Variants in IQANK1 observed in about 807,000 individuals in gnomAD.
IQANK1 encodes IQ motif and ankyrin repeat domain-containing protein 1.
IQANK1 carries 30 observed loss-of-function variants against 22.6 expected under a neutral mutation model. The ratio of observed to expected loss-of-function variants is 1.33; its 90% CI spans 0.99 to 1.80. The LOEUF is 1.80. Among genes scored for constraint, IQANK1 ranks in the 40% most tolerant of loss-of-function variants. IQANK1 has a pLI of 0.00. For missense variants in IQANK1, 275 were observed against 235.2 expected, an observed-to-expected ratio of 1.17 and a Z score of -1.11; for synonymous variants, 122 against 99.6, an observed-to-expected ratio of 1.23 and a Z score of -1.34.
intron 3 of IQANK1, chr8:143,741,714 G>A (rs1421926503): frequency 6.5e-6 from 1 of 152,784 alleles, no homozygotes; most frequent in Non-Finnish European, 1.5e-5. Flanking sequence ...GCCTTCGGAG[G>A]AGTCCATGCC....
intron 3 of IQANK1, among the ~76,000 whole-genome samples, chr8:143,763,953 G>A (rs1414718506): frequency 6.6e-6 from 1 of 152,082 alleles, no homozygotes; most frequent in Non-Finnish European, 1.5e-5. Context: ...TACGAGATAT[G>A]ATAATTCATT....
intron 3 of IQANK1, among the ~76,000 whole-genome samples, chr8:143,753,686 C>T (rs1340253483): frequency 1.3e-5 from 2 of 152,036 alleles, no homozygotes; most frequent in Non-Finnish European, 2.9e-5. Flanking sequence ...AACTCCTGAC[C>T]TCAGGTGACC....
chr8:143,788,651 A>G (rs997454174), intron 7 of IQANK1, among the ~76,000 whole-genome samples: 2 of 152,174 alleles, frequency 1.3e-5, no homozygotes, highest in East Asian at 3.9e-4. Context: ...AAGCCCTTGG[A>G]GGCCCAGCCA....
chr8:143,736,288 C>T (rs1310428490), intron 2 of IQANK1, among the ~76,000 whole-genome samples: 2 of 152,050 alleles, frequency 1.3e-5, no homozygotes, highest in African/African-American at 4.8e-5. Context: ...TATGGACGTG[C>T]GCCACCACGC....
chr8:143,785,796 A>G (rs1409164234), intron 7 of IQANK1, among the ~76,000 whole-genome samples: 1 of 150,192 alleles, frequency 6.7e-6, no homozygotes, highest in African/African-American at 2.5e-5. Context: ...GCACGATCTC[A>G]GCTCACTGCA....
chr8:143,785,790 G>A (rs1303727132), intron 7 of IQANK1, among the ~76,000 whole-genome samples: 2 of 150,336 alleles, frequency 1.3e-5, no homozygotes, highest in South Asian at 4.2e-4. Context: ...GCAGTGGCAC[G>A]ATCTCAGCTC....
At position 143,738,681 on chromosome 8, in the gene IQANK1, C is replaced by T. The variant is rs532487023; in HGVS notation, c.86-1178C>T. Among the ~76,000 whole-genome samples, 202 of 152,316 alleles carry T rather than the reference C, an allele frequency of 1.3e-3. 1 individual carries two copies. The highest frequency in any genetic ancestry group is 3.1e-3 in the African/African-American group (130 of 41,568). ...CGGGCGTGCCTGGTCCTGCCCTGGG[C>T]GGCACCAATGCCCCCCGCCCCCGCC... On this transcript the variant is annotated intron_variant, in intron 2 of 13. Transcript: ENST00000527139.
intron 3 of IQANK1, among the ~76,000 whole-genome samples, chr8:143,751,656 G>GTATATATATATATATA (rs1430170946): frequency 1.3e-4 from 5 of 39,656 alleles, no homozygotes; most frequent in Non-Finnish European, 2.9e-4. Context: ...GTGTGTGTGT[G>GTATATATATATATATA]TGTGTGTGTA....
At chr8:143,738,572 C>T (rs552397315) in intron 2 of IQANK1, among the ~76,000 whole-genome samples, 3 of 152,294 alleles carry the variant, frequency 2.0e-5, no homozygotes, top group South Asian at 2.1e-4. Context: ...TTACAGGCCA[C>T]GGGCCCTGCC....
At chr8:143,767,311 G>A (rs548544472) in intron 3 of IQANK1, among the ~76,000 whole-genome samples, 2 of 152,214 alleles carry the variant, frequency 1.3e-5, no homozygotes, top group African/African-American at 4.8e-5. Context: ...TTTGTTTTCT[G>A]TTTTGTCTTA....
At position 143,774,590 on chromosome 8, in the gene IQANK1, G is replaced by A. The variant is rs1198038879; in HGVS notation, c.789+2108G>A. Among the ~76,000 whole-genome samples the A allele has an allele frequency of 6.6e-6, 1 of 152,158 alleles. No homozygotes were observed. Among genetic ancestry groups the A allele is most frequent in the Non-Finnish European group, 1.5e-5 (1 of 68,036 alleles). ...ACCAGTACAGCCGCTCTTGCAAATA[G>A]GCAGGCGGTTTCTTAAAAAGTGAAC... On this transcript the variant is annotated intron_variant, in intron 7 of 13. Coordinates refer to ENST00000527139, the MANE Select transcript of IQANK1 (RefSeq NM_001381874.1). This position sits in a 1 kb window ranked among gnomAD's most constrained non-coding sequence, Gnocchi z 4.2.
chr8:143,767,643 C>G (rs1186280707), intron 3 of IQANK1, among the ~76,000 whole-genome samples: 1 of 151,920 alleles, frequency 6.6e-6, no homozygotes, highest in East Asian at 2.0e-4. Context: ...TGCCATATTG[C>G]ATTTATTTGC....
In IQANK1 at chr8:143,735,375, T is replaced by C. The variant is rs556013912; in HGVS notation, c.-4-475T>C. On this transcript the variant is annotated intron_variant, in intron 1 of 13. Coordinates refer to ENST00000527139, the MANE Select transcript of IQANK1 (RefSeq NM_001381874.1). This position sits in a 1 kb window ranked among gnomAD's most constrained non-coding sequence, Gnocchi z 5.2. ...GCCGGGACCACATAAGGTCTGAGGG[T>C]GTGGAGGGGTGAGTGCCTTGGGTGG... 6.8e-4 allele frequency among the ~76,000 whole-genome samples: 103 copies of C among 150,900 alleles called. No individual in the cohort carries two copies. The highest frequency in any genetic ancestry group is 2.4e-3 in the African/African-American group (97 of 41,022).
At chr8:143,769,412 G>T (rs1161984133) in intron 3 of IQANK1, among the ~76,000 whole-genome samples, 1 of 152,078 alleles carries the variant, frequency 6.6e-6, no homozygotes, top group Non-Finnish European at 1.5e-5. Context: ...GTCCAGGCTG[G>T]CCTCAAACTC....
chr8:143,744,579 G>C (rs1294307967), intron 3 of IQANK1: 1 of 152,122 alleles, frequency 6.6e-6, no homozygotes, highest in Non-Finnish European at 1.5e-5. Flanking sequence ...CATCACCCAC[G>C]GTCATTATTA....
At chr8:143,770,101 C>G (rs568711868) in intron 3 of IQANK1, among the ~76,000 whole-genome samples, 1 of 152,074 alleles carries the variant, frequency 6.6e-6, no homozygotes, top group Non-Finnish European at 1.5e-5. Flanking sequence ...GACCCTGTCT[C>G]AAAAAGAAAA....
In IQANK1 at chr8:143,751,664, G is replaced by GTATATATATATATA. The variant is rs71318622; in HGVS notation, c.175+11717_175+11730dup. On this transcript the variant is annotated intron_variant, in intron 3 of 13. Coordinates refer to ENST00000527139, the MANE Select transcript of IQANK1 (RefSeq NM_001381874.1). ...TGTGTGTGTGTGTGTGTGTGTGTGT[G>GTATATATATATATA]TATATATATATATAAAATCCTATAC... 8.3e-4 allele frequency among the ~76,000 whole-genome samples: 51 copies of GTATATATATATATA among 61,524 alleles called. 1 individual carries two copies. The highest frequency in any genetic ancestry group is 9.4e-3 in the Middle Eastern group (1 of 106). The allele number at this position is 61,524 out of a possible 152,430, so 40.4% of individuals were successfully genotyped here.
intron 3 of IQANK1, among the ~76,000 whole-genome samples, chr8:143,751,625 AGTGTGTGTG>A (rs1221495832): frequency 3.1e-5 from 3 of 95,996 alleles, no homozygotes; most frequent in African/African-American, 1.1e-4. Flanking sequence ...AAAAAAAAAA[AGTGTGTGTG>A]TGTGTGTGTG....
At position 143,768,143 on chromosome 8, in the gene IQANK1, A is replaced by G. The variant is rs1587485294; in HGVS notation, c.176-3345A>G. On this transcript the variant is annotated intron_variant, in intron 3 of 13. Coordinates refer to ENST00000527139, the MANE Select transcript of IQANK1 (RefSeq NM_001381874.1). ...GGTGACCCACCTGCCTCGGACTCCCAAAGTGCTGGGGTTACAGGTGTGAGC... is the reference window on the plus strand; with the variant it reads ...GGTGACCCACCTGCCTCGGACTCCCGAAGTGCTGGGGTTACAGGTGTGAGC... 2.6e-5 allele frequency among the ~76,000 whole-genome samples: 4 copies of G among 151,816 alleles called. 1 individual carries two copies. Among genetic ancestry groups the G allele is most frequent in the Middle Eastern group, 3.4e-3 (1 of 292 alleles).
Sources: allele counts gnomAD v4.1 joint callset (sites outside exome capture counted in the v4.1 genomes callset), GRCh38; gene constraint gnomAD v4.1.1; non-coding constraint Gnocchi (gnomAD v3.1); transcripts MANE v1.5; gene names NCBI Gene and HGNC (gene_info 2026-07-23, HGNC 2026-07-21).